The following ALKBH4 variants were observed in gnomAD, a reference collection of about 807,000 sequenced individuals.
The protein encoded by ALKBH4 is alpha-ketoglutarate-dependent dioxygenase alkB homolog 4.
In ALKBH4, 8 loss-of-function variants were observed where a neutral mutation model predicts 12.1. The ratio of observed to expected loss-of-function variants is 0.66; its 90% confidence interval spans 0.39 to 1.19. The LOEUF (loss-of-function observed/expected upper bound fraction) is 1.19. ALKBH4 is among the 50% of genes most tolerant of loss of function. The pLI is 0.01. For missense variants in ALKBH4, 403 were observed against 430.4 expected, an observed-to-expected ratio of 0.94 and a Z score of 0.56; for synonymous variants, 195 against 191.6, an observed-to-expected ratio of 1.02 and a Z score of -0.15.
chr7:102,463,902 G>A (rs1261378357), intron 1 of ALKBH4, among the ~76,000 whole-genome samples: 2 of 152,162 alleles, frequency 1.3e-5, no homozygotes, highest in East Asian at 1.9e-4. Context: ...ATATCTGCCC[G>A]TTCCCTTCCC....
At position 102,457,680 on chromosome 7, in the gene ALKBH4, G is replaced by C. The variant is rs544559313; in HGVS notation, c.623C>G (p.Ser208Trp). The C allele has an allele frequency of 1.9e-6, 3 of 1,557,522 alleles. No homozygotes were observed. The highest frequency in any genetic ancestry group is 2.6e-6 in the Non-Finnish European group (3 of 1,157,068). Residue 208 changes from serine to tryptophan, a missense_variant, in exon 3 of 3, where the codon TCG becomes TGG. Coordinates refer to ENST00000292566, the MANE Select transcript of ALKBH4 (RefSeq NM_017621.4). The surrounding 1 kb of genome is among the most constrained non-coding windows in gnomAD (Gnocchi z 5.9). ...PGSLLLCSAP[S>W]AAPEALVDSV... ...GTCCACCAAGGCCTCCGGGGCAGCC[G>C]ACGGGGCCGAGCAGAGGAGCAGGCT... is the stretch of plus-strand genomic sequence containing the variant.
At chr7:102,459,907 A>C (rs1685075468) in intron 1 of ALKBH4, 106 bp from the exon 2 acceptor site, 1 of 1,091,968 alleles carries the variant, frequency 9.2e-7, no homozygotes, top group Admixed American at 3.0e-5. Flanking sequence ...TAATTCCAGC[A>C]CTTTGGGAGG....
At chr7:102,463,550 A>G (rs1042664987) in intron 1 of ALKBH4, among the ~76,000 whole-genome samples, 1 of 151,350 alleles carries the variant, frequency 6.6e-6, no homozygotes, top group Non-Finnish European at 1.5e-5. Context: ...GGCAGGTCTC[A>G]AACTCCTGAC....
At chr7:102,458,065 T>C (rs1797700969) in intron 2 of ALKBH4, 84 bp from the exon 3 acceptor site, 2 of 1,381,832 alleles carry the variant, frequency 1.4e-6, no homozygotes, top group Non-Finnish European at 1.9e-6. Context: ...AATTCAGTCA[T>C]AGTGACCCAG....
At chr7:102,459,846 C>A (rs1797752620) in intron 1 of ALKBH4, 45 bp from the exon 2 acceptor site, 2 of 1,525,680 alleles carry the variant, frequency 1.3e-6, no homozygotes, top group African/African-American at 1.4e-5. Flanking sequence ...CACAGCGAGA[C>A]CCGGTCCCTA....
chr7:102,459,952 A>C, intron 1 of ALKBH4, 151 bp from the exon 2 acceptor site: 1 of 620,408 alleles, frequency 1.6e-6, no homozygotes, highest in Non-Finnish European at 2.6e-6. Flanking sequence ...TCAGGAGTTC[A>C]AGACCAGCCT....
chr7:102,459,231 A>G (rs1797735927), intron 2 of ALKBH4, among the ~76,000 whole-genome samples: 1 of 146,642 alleles, frequency 6.8e-6, no homozygotes, highest in African/African-American at 2.5e-5. Flanking sequence ...AGTTGGAGGG[A>G]GCGGCGGGCC....
chr7:102,462,109 G>A (rs1310488387), intron 1 of ALKBH4, among the ~76,000 whole-genome samples: 3 of 152,234 alleles, frequency 2.0e-5, no homozygotes, highest in African/African-American at 7.2e-5. Context: ...TGTGTCGGCT[G>A]AGCAGGCTGG....
In ALKBH4 at chr7:102,457,957, G is replaced by GA; in HGVS notation, c.345dup (p.Arg116SerfsTer52). The stretch of plus-strand genomic sequence containing the variant: ...CCCTCGGTCTTTAGCTTCTGTTTCC[G>GA]AAAGTTGACTTTGGGGCCATAGTCC... On this transcript the variant is annotated frameshift_variant, in exon 3 of 3. Coordinates refer to ENST00000292566, the MANE Select transcript of ALKBH4 (RefSeq NM_017621.4). LOFTEE classifies it low-confidence loss of function (END_TRUNC). This position sits in a 1 kb window ranked among gnomAD's most constrained non-coding sequence, Gnocchi z 5.9. 1 of 1,609,654 alleles carries GA rather than the reference G, an allele frequency of 6.2e-7. No individual in the cohort carries two copies. The highest frequency in any genetic ancestry group is 1.7e-5 in the Admixed American group (1 of 59,710).
At chr7:102,462,711 C>G (rs1797822743) in intron 1 of ALKBH4, among the ~76,000 whole-genome samples, 1 of 152,108 alleles carries the variant, frequency 6.6e-6, no homozygotes, top group Non-Finnish European at 1.5e-5. Context: ...TATTGTTGTA[C>G]AGCCGTCACC....
intron 1 of ALKBH4, among the ~76,000 whole-genome samples, chr7:102,460,451 G>A (rs1797769024): frequency 6.6e-6 from 1 of 152,182 alleles, no homozygotes; most frequent in Non-Finnish European, 1.5e-5. Context: ...GTGGAAGGCA[G>A]CTGGAGTCTA....
chr7:102,461,793 C>CA (rs1563650124), intron 1 of ALKBH4, among the ~76,000 whole-genome samples: 1 of 152,202 alleles, frequency 6.6e-6, no homozygotes, highest in Non-Finnish European at 1.5e-5. Flanking sequence ...CCATAACTAT[C>CA]ATGGGCAGGA....
chr7:102,460,659 G>A (rs966598710), intron 1 of ALKBH4, among the ~76,000 whole-genome samples: 1 of 152,208 alleles, frequency 6.6e-6, no homozygotes, highest in Non-Finnish European at 1.5e-5. Flanking sequence ...AGGCTGGACA[G>A]CACCTCCTGC....
In ALKBH4 at chr7:102,457,818, C is replaced by T. The variant is rs955850961; in HGVS notation, c.485G>A (p.Arg162Gln). Residue 162 changes from arginine (R) to glutamine (Q), a missense_variant, in exon 3 of 3, where the codon CGG (arginine) becomes CAG (glutamine). Arg to Gln is a conservative substitution (Grantham distance 43). Coordinates refer to ENST00000292566, the MANE Select transcript of ALKBH4 (RefSeq NM_017621.4). The surrounding 1 kb of genome is among the most constrained non-coding windows in gnomAD (Gnocchi z 5.9). ...CAGGTGGGGGTCAATGGCAGAGCCC[C>T]GCTCGGGGCAGTAGTCCAGGTTGCA... ...EQCNLDYCPE[R>Q]GSAIDPHLDD... 1.6e-5 allele frequency: 25 copies of T among 1,609,366 alleles called. No individual in the cohort carries two copies. The highest frequency in any genetic ancestry group is 1.6e-4 in the Middle Eastern group (1 of 6,084).
Position 102,464,783 on chromosome 7 carries a change from C to A in ALKBH4, c.54G>T (p.Lys18Asn). ...TPEVLRECGCKGIRTCLICER... is the reference protein window; with the variant it reads ...TPEVLRECGCNGIRTCLICER... ...CGCAGATCAGACAGGTCCGGATGCC[C>A]TTGCAACCGCATTCCCGAAGGACTT... Residue 18 changes from lysine (K) to asparagine (N), a missense_variant, in exon 1 of 3, where the codon AAG becomes AAT. By Grantham distance (94) the Lys-to-Asn change is moderately conservative. Coordinates refer to ENST00000292566, the MANE Select transcript of ALKBH4 (RefSeq NM_017621.4). 3.2e-6 allele frequency: 5 copies of A among 1,571,574 alleles called. No individual in the cohort carries two copies. The highest frequency in any genetic ancestry group is 2.3e-5 in the South Asian group (2 of 86,634).
intron 1 of ALKBH4, among the ~76,000 whole-genome samples, chr7:102,462,790 C>A (rs1426292832): frequency 6.6e-6 from 1 of 152,132 alleles, no homozygotes; most frequent in African/African-American, 2.4e-5. Flanking sequence ...TCCCCATCTC[C>A]CCTTCCTGAG....
At chr7:102,460,873 C>T (rs1390771255) in intron 1 of ALKBH4, among the ~76,000 whole-genome samples, 1 of 152,188 alleles carries the variant, frequency 6.6e-6, no homozygotes, top group Non-Finnish European at 1.5e-5. Context: ...CTCAGTGTCC[C>T]AACCTCCCTT....
At chr7:102,464,693 G>C in intron 1 of ALKBH4, 21 bp downstream of exon 1, 1 of 1,499,270 alleles carries the variant, frequency 6.7e-7, no homozygotes, top group Non-Finnish European at 8.9e-7. Flanking sequence ...TTGTGGGCGC[G>C]GCCCCTCTCC....
chr7:102,464,659 G>C, intron 1 of ALKBH4, 55 bp downstream of exon 1: 6 of 1,470,810 alleles, frequency 4.1e-6, no homozygotes, highest in Non-Finnish European at 5.4e-6. Flanking sequence ...CTGGACCTCA[G>C]TTTCCCCAGA....
Sources: gnomAD v4.1 joint callset for allele counts (sites outside exome capture counted in the v4.1 genomes callset) on GRCh38, gnomAD v4.1.1 for gene constraint, Gnocchi (gnomAD v3.1) non-coding constraint, MANE v1.5 for transcripts, NCBI Gene and HGNC (gene_info 2026-07-23, HGNC 2026-07-21) for gene names.